BTBD8: variants seen among roughly 807,000 people sequenced by gnomAD.
BTBD8 encodes the protein BTB/POZ domain-containing protein 8.
Under a neutral mutation model 162.9 loss-of-function variants are expected in BTBD8, and 110 were observed. The observed-to-expected ratio is 0.68, with a 90% CI of 0.58 to 0.79. BTBD8 has a LOEUF of 0.79. Ranked by LOEUF, BTBD8 falls within the 30% of genes least tolerant of loss-of-function variation. The pLI is 0.00. For synonymous variants in BTBD8, 667 were observed against 716.1 expected, an observed-to-expected ratio of 0.93 and a Z score of 1.10; for missense variants, 1,905 against 2,085.4, an observed-to-expected ratio of 0.91 and a Z score of 1.68.
chr1:92,181,985 T>C lies in BTBD8; in HGVS notation c.4302T>C (p.Phe1434=), dbSNP rs764307694. 453 of 1,551,482 alleles carry C rather than the reference T, an allele frequency of 2.9e-4. No homozygotes were observed. Among genetic ancestry groups the C allele is most frequent in the Non-Finnish European group, 3.1e-4 (358 of 1,146,898 alleles). The part of the protein sequence containing the change: ...ECREFSATKK[F]KRSVLLSVDE... Reference sequence around the variant, plus strand: ...GTGAATTTTCTGCAACTAAAAAGTTTAAAAGGTCAGTTTTACTTTCAGTCG... The same window carrying C: ...GTGAATTTTCTGCAACTAAAAAGTTCAAAAGGTCAGTTTTACTTTCAGTCG... The change falls in exon 17 of 18, where the codon TTT becomes TTC. Residue 1434 remains phenylalanine, a synonymous_variant. Coordinates refer to ENST00000636805, the MANE Select transcript of BTBD8 (RefSeq NM_001376131.1).
chr1:92,154,697 T>A (rs1650118825), intron 9 of BTBD8, among the ~76,000 whole-genome samples: 1 of 152,210 alleles, frequency 6.6e-6, no homozygotes, highest in Non-Finnish European at 1.5e-5. Context: ...TTATGACATG[T>A]ATGGTTTGCA....
chr1:92,102,342 C>T (rs1431435958), intron 2 of BTBD8, 131 bp from the exon 3 acceptor site: 2 of 831,724 alleles, frequency 2.4e-6, no homozygotes, highest in East Asian at 3.3e-5. Context: ...TTAGATTGAC[C>T]TTTCTACAGT....
chr1:92,163,071 AG>A (rs1447932955), intron 9 of BTBD8, among the ~76,000 whole-genome samples: 1 of 152,004 alleles, frequency 6.6e-6, no homozygotes, highest in Admixed American at 6.6e-5. Flanking sequence ...GGCAAGATAC[AG>A]GGCCAGGCGC....
At chr1:92,129,191 G>A (rs1263262609) in intron 4 of BTBD8, among the ~76,000 whole-genome samples, 1 of 151,948 alleles carries the variant, frequency 6.6e-6, no homozygotes, top group Non-Finnish European at 1.5e-5. Flanking sequence ...GACAGCAAGG[G>A]CATTGGAATT....
chr1:92,105,030 T>C (rs1025222304), intron 3 of BTBD8, among the ~76,000 whole-genome samples: 7 of 151,968 alleles, frequency 4.6e-5, no homozygotes, highest in Admixed American at 4.6e-4. Flanking sequence ...CCTCCCGGGT[T>C]CACGCCATTC....
intron 3 of BTBD8, among the ~76,000 whole-genome samples, chr1:92,103,717 G>C (rs769379763): frequency 6.6e-6 from 1 of 152,170 alleles, no homozygotes; most frequent in Non-Finnish European, 1.5e-5. Flanking sequence ...GGAGGAGAAG[G>C]TAGTTTCCTT....
chr1:92,171,337 C>T (rs1650538108), intron 12 of BTBD8, 62 bp from the exon 13 acceptor site: 4 of 1,226,940 alleles, frequency 3.3e-6, no homozygotes, highest in Non-Finnish European at 4.5e-6. Flanking sequence ...TACTATTTTT[C>T]CTTTACTTCT....
Position 92,141,185 on chromosome 1 carries a change from A to G in BTBD8, c.904A>G (p.Arg302Gly), listed in dbSNP as rs778685281. Residue 302 changes from arginine (R) to glycine (G), a missense_variant, in exon 7 of 18, where the codon AGA becomes GGA. Around this residue, in one of 3 missense-constraint regions of BTBD8, gnomAD observed 1,374 missense variants for 1,442.7 expected, o/e 0.95. Coordinates refer to ENST00000636805, the MANE Select transcript of BTBD8 (RefSeq NM_001376131.1). ...AGAAGTAGCAATCTATATTTTAAGA[A>G]GAGATTACTGTAATTTCTTTCAGAA... ...LKEVAIYILR[R>G]DYCNFFQKPV... 13 of 1,585,532 alleles carry G rather than the reference A, an allele frequency of 8.2e-6. No homozygotes were observed. The highest frequency in any genetic ancestry group is 1.0e-5 in the Non-Finnish European group (12 of 1,163,300).
intron 2 of BTBD8, among the ~76,000 whole-genome samples, chr1:92,100,244 G>A (rs945298930): frequency 1.3e-5 from 2 of 152,062 alleles, no homozygotes; most frequent in South Asian, 4.1e-4. Context: ...AAATTATTTT[G>A]TTGAGGGTTT....
chr1:92,178,467 T>C lies in BTBD8; in HGVS notation c.2581+16T>C. 1 of 1,533,364 alleles carries C rather than the reference T, an allele frequency of 6.5e-7. No individual in the cohort carries two copies. The highest frequency in any genetic ancestry group is 8.8e-7 in the Non-Finnish European group (1 of 1,138,410). 95.0% of individuals were successfully genotyped at this position (1,533,364 alleles called of 1,614,324 possible). ...AAAACTCAAGGTAAAGCTGAAATAG[T>C]ACTGGATATCTTGAAATTATTTCCT... On this transcript the variant is annotated intron_variant, in intron 16 of 17. Transcript: ENST00000636805.
chr1:92,149,681 T>G (rs1421591326), intron 9 of BTBD8, among the ~76,000 whole-genome samples: 1 of 152,214 alleles, frequency 6.6e-6, no homozygotes, highest in Non-Finnish European at 1.5e-5. Context: ...GCTGGAACAC[T>G]ACTGCAATGT....
At position 92,147,740 on chromosome 1, in the gene BTBD8, C is replaced by T; in HGVS notation, c.1076C>T (p.Pro359Leu). ...TCTGAGAGAAGCTTTGCAAATATAC[C>T]TCCTGAGATTCAGAAAAGTTGTCTT... Reference protein sequence around the residue: ...FWSERSFANIPPEIQKSCLNM... With the variant: ...FWSERSFANILPEIQKSCLNM... The change falls in exon 9 of 18, where the codon CCT becomes CTT. Residue 359 changes from proline (P) to leucine (L), a missense_variant. This residue lies in a region of BTBD8 where 1,374 missense variants were observed against 1,442.7 expected (regional missense o/e 0.95). Transcript: ENST00000636805. 1 of 1,613,414 alleles carries T rather than the reference C, an allele frequency of 6.2e-7. No individual in the cohort carries two copies. The highest frequency in any genetic ancestry group is 8.5e-7 in the Non-Finnish European group (1 of 1,179,804).
chr1:92,154,009 T>C (rs1280209281), intron 9 of BTBD8, among the ~76,000 whole-genome samples: 1 of 152,190 alleles, frequency 6.6e-6, no homozygotes, highest in Non-Finnish European at 1.5e-5. Flanking sequence ...CCCATGGTGA[T>C]GAGTGAGTTC....
intron 1 of BTBD8, among the ~76,000 whole-genome samples, chr1:92,086,724 G>T (rs907737272): frequency 6.6e-6 from 1 of 152,146 alleles, no homozygotes; most frequent in Non-Finnish European, 1.5e-5. Flanking sequence ...ACCCTCATGG[G>T]TGCGAGTGGT....
chr1:92,119,749 C>T (rs985060221), intron 4 of BTBD8, among the ~76,000 whole-genome samples: 7 of 151,396 alleles, frequency 4.6e-5, no homozygotes, highest in Non-Finnish European at 7.4e-5. Flanking sequence ...GCCTCAGCAT[C>T]CCGAGTAGCT....
chr1:92,081,565 G>C (rs1233760355), intron 1 of BTBD8, among the ~76,000 whole-genome samples: 1 of 152,046 alleles, frequency 6.6e-6, no homozygotes, highest in Admixed American at 6.6e-5. Context: ...ATTAAAAGTT[G>C]TGCAGCATTC....
intron 4 of BTBD8, among the ~76,000 whole-genome samples, chr1:92,109,441 T>C (rs1167172552): frequency 6.6e-6 from 1 of 152,148 alleles, no homozygotes; most frequent in Non-Finnish European, 1.5e-5. Context: ...ATATTTGGCC[T>C]CTCCCTGTGT....
chr1:92,177,943 CAAAGTT>C, intron 15 of BTBD8, 45 bp downstream of exon 15: 1 of 964,998 alleles, frequency 1.0e-6, no homozygotes, highest in East Asian at 2.7e-5. Context: ...AGCTTTCTCT[CAAAGTT>C]AATTATATAC....
intron 2 of BTBD8, among the ~76,000 whole-genome samples, chr1:92,101,825 T>C (rs758632003): frequency 6.6e-6 from 1 of 151,970 alleles, no homozygotes; most frequent in South Asian, 2.1e-4. Context: ...GCCACCCAAG[T>C]AGCTGGGACT....
Sources: allele counts gnomAD v4.1 joint callset (sites outside exome capture counted in the v4.1 genomes callset), GRCh38; gene constraint gnomAD v4.1.1; regional missense constraint gnomAD v4.1.1; transcripts MANE v1.5; gene names NCBI Gene and HGNC (gene_info 2026-07-23, HGNC 2026-07-21).